The following XIRP2 variants were observed in gnomAD, a reference collection of about 807,000 sequenced individuals.
XIRP2 encodes the protein xin actin-binding repeat-containing protein 2.
Under a neutral mutation model 277.0 loss-of-function variants are expected in XIRP2, and 236 were observed. The ratio of observed to expected loss-of-function variants is 0.85; its 90% CI spans 0.77 to 0.95. The LOEUF is 0.95. XIRP2 is among the 40% of genes least tolerant of loss of function. XIRP2 has a pLI of 0.00. For missense variants in XIRP2, 4,640 were observed against 4,157.5 expected (o/e 1.12, Z -3.19); for synonymous variants, 1,490 against 1,416.5 (o/e 1.05, Z -1.17).
At chr2:167,234,484 T>C (rs1312669332) in intron 5 of XIRP2, among the ~76,000 whole-genome samples, 1 of 151,350 alleles carries the variant, frequency 6.6e-6, no homozygotes, top group Non-Finnish European at 1.5e-5. Context: ...CCCAATGCCG[T>C]TGAGATAACC....
At chr2:167,207,804 T>C (rs1220664146) in intron 3 of XIRP2, among the ~76,000 whole-genome samples, 1 of 152,154 alleles carries the variant, frequency 6.6e-6, no homozygotes, top group Non-Finnish European at 1.5e-5. Context: ...AAATATTTTT[T>C]CCAAGAACCT....
chr2:167,171,315 A>T (rs1432750292), intron 3 of XIRP2, among the ~76,000 whole-genome samples: 1 of 152,132 alleles, frequency 6.6e-6, no homozygotes, highest in Admixed American at 6.6e-5. Flanking sequence ...ATTTTATTTT[A>T]ATTGTTTTTC....
chr2:167,011,205 G>A (rs1260316467), intron 2 of XIRP2, among the ~76,000 whole-genome samples: 5 of 150,780 alleles, frequency 3.3e-5, no homozygotes, highest in Non-Finnish European at 7.4e-5. Context: ...ATTGGCTGTG[G>A]GTTTGTCATA....
At chr2:166,997,364 T>G (rs1307748021) in intron 2 of XIRP2, among the ~76,000 whole-genome samples, 2 of 152,136 alleles carry the variant, frequency 1.3e-5, no homozygotes, top group Non-Finnish European at 2.9e-5. Context: ...TACTTTAAGA[T>G]CAAATTAATA....
chr2:167,194,133 G>A (rs768971756), intron 3 of XIRP2, among the ~76,000 whole-genome samples: 5 of 151,648 alleles, frequency 3.3e-5, no homozygotes, highest in African/African-American at 1.2e-4. Flanking sequence ...CCAGGCTGGA[G>A]TGCAATGGTA....
chr2:166,931,170 A>C (rs1382197215), intron 2 of XIRP2, among the ~76,000 whole-genome samples: 3 of 151,852 alleles, frequency 2.0e-5, no homozygotes, highest in Admixed American at 6.6e-5. Flanking sequence ...ATTATATTAT[A>C]ATATGAAGAC....
At chr2:167,141,166 C>T (rs1387440415) in intron 3 of XIRP2, among the ~76,000 whole-genome samples, 1 of 152,176 alleles carries the variant, frequency 6.6e-6, no homozygotes, top group African/African-American at 2.4e-5. Flanking sequence ...ATTCACTTTA[C>T]TACCCTGAAA....
In XIRP2 at chr2:167,242,985, A is replaced by G. The variant is rs912189994; in HGVS notation, c.1593A>G (p.Ser531=). The G allele has an allele frequency of 3.7e-6, 6 of 1,613,886 alleles. No individual in the cohort carries two copies. The African/African-American group carries it at 8.0e-5, about 22-fold the overall frequency. Residue 531 remains serine (S), a synonymous_variant, in exon 9 of 11, where the codon TCA becomes TCG. Transcript: ENST00000409195. ...VSEIVSSQMN[S]GSSVSADVQQ... Reference sequence around the variant, plus strand: ...AGATTGTTTCTAGTCAAATGAACTCAGGGAGTTCAGTCTCAGCAGATGTGC... The same window carrying G: ...AGATTGTTTCTAGTCAAATGAACTCGGGGAGTTCAGTCTCAGCAGATGTGC...
chr2:166,896,733 C>T (rs775544512), intron 1 of XIRP2, among the ~76,000 whole-genome samples: 9 of 152,108 alleles, frequency 5.9e-5, no homozygotes, highest in Non-Finnish European at 8.8e-5. Context: ...ATAAAGTCTA[C>T]AGCAGGAGTG....
At chr2:167,152,269 A>T (rs1163302182) in intron 3 of XIRP2, among the ~76,000 whole-genome samples, 5 of 152,092 alleles carry the variant, frequency 3.3e-5, no homozygotes, top group African/African-American at 1.2e-4. Flanking sequence ...CCAAAAGAAG[A>T]ACAGCATCCT....
At chr2:166,943,949 T>A (rs547536818) in intron 2 of XIRP2, among the ~76,000 whole-genome samples, 77 of 152,306 alleles carry the variant, frequency 5.1e-4, no homozygotes, top group African/African-American at 1.8e-3. Context: ...TTAGCAGGCA[T>A]CCTCACACAT....
intron 1 of XIRP2, among the ~76,000 whole-genome samples, chr2:166,895,018 G>C (rs1352513041): frequency 2.6e-5 from 4 of 152,098 alleles, no homozygotes; most frequent in Non-Finnish European, 4.4e-5. Context: ...GACAGCCTTT[G>C]CAAAGGTCCT....
intron 2 of XIRP2, among the ~76,000 whole-genome samples, chr2:167,063,013 G>T (rs1194177225): frequency 6.6e-6 from 1 of 151,402 alleles, no homozygotes; most frequent in Non-Finnish European, 1.5e-5. Flanking sequence ...TGTTTTTCTA[G>T]TTTGTAGGCA....
intron 2 of XIRP2, among the ~76,000 whole-genome samples, chr2:167,009,772 T>C (rs1034195698): frequency 2.0e-5 from 3 of 152,148 alleles, no homozygotes; most frequent in African/African-American, 7.2e-5. Flanking sequence ...TGGTGTGAGA[T>C]GGTATCTCAT....
intron 1 of XIRP2, among the ~76,000 whole-genome samples, chr2:166,898,640 C>T (rs746030860): frequency 2.6e-5 from 4 of 151,976 alleles, no homozygotes; most frequent in Non-Finnish European, 1.5e-5. Flanking sequence ...TTGAAATCGA[C>T]GCCATATACA....
chr2:166,980,367 T>C (rs928237827), intron 2 of XIRP2, among the ~76,000 whole-genome samples: 2 of 152,230 alleles, frequency 1.3e-5, no homozygotes, highest in African/African-American at 4.8e-5. Flanking sequence ...GATAATCTAA[T>C]CCATTAACAT....
At chr2:167,046,764 A>T (rs1688798105) in intron 2 of XIRP2, among the ~76,000 whole-genome samples, 1 of 151,942 alleles carries the variant, frequency 6.6e-6, no homozygotes, top group Non-Finnish European at 1.5e-5. Flanking sequence ...TAGACACTGG[A>T]GCCTAATTGA....
chr2:167,210,983 C>A, intron 4 of XIRP2, 88 bp downstream of exon 4: 1 of 1,501,186 alleles, frequency 6.7e-7, no homozygotes. Flanking sequence ...AAGAATACTA[C>A]TGGACAGGGG....
intron 2 of XIRP2, among the ~76,000 whole-genome samples, chr2:166,907,388 CA>C (rs1416079111): frequency 6.6e-6 from 1 of 152,102 alleles, no homozygotes; most frequent in African/African-American, 2.4e-5. Flanking sequence ...CAAACCACCC[CA>C]AAAATAGTGG....
Sources: gnomAD v4.1 joint callset for allele counts (sites outside exome capture counted in the v4.1 genomes callset) on GRCh38, gnomAD v4.1.1 for gene constraint, MANE v1.5 for transcripts, NCBI Gene and HGNC (gene_info 2026-07-23, HGNC 2026-07-21) for gene names.